Variants in ADGRD1 observed in about 807,000 individuals in gnomAD.
The protein encoded by ADGRD1 is G-protein coupled receptor 133.
Under a neutral mutation model 113.4 loss-of-function variants are expected in ADGRD1, and 77 were observed. That is an observed-to-expected ratio of 0.68 (90% CI 0.57 to 0.82). ADGRD1 has a LOEUF of 0.82. Among genes scored for constraint, ADGRD1 ranks in the 40% least tolerant of loss-of-function variants. The pLI is 0.00. For synonymous variants in ADGRD1, 474 were observed against 475.0 expected (o/e 1.00, Z 0.03); for missense variants, 1,036 against 1,139.1 (o/e 0.91, Z 1.30).
Position 131,141,075 on chromosome 12 carries a change from G to A in ADGRD1, c.*1812G>A, listed in dbSNP as rs555810596. The stretch of plus-strand genomic sequence containing the variant: ...TCCTCATCACGCCGGTGAGCACCTA[G>A]AAGTGAGAACACTGTATTCCTACAA... On this transcript the variant is annotated 3_prime_UTR_variant, in exon 25 of 25. Coordinates refer to ENST00000261654, the MANE Select transcript of ADGRD1 (RefSeq NM_198827.5). The A allele has an allele frequency of 5.5e-4, 84 of 152,386 alleles. No homozygotes were observed. The highest frequency in any genetic ancestry group is 1.8e-3 in the African/African-American group (75 of 41,592). The allele number at this position is 152,386 out of a possible 1,614,324, so 9.4% of individuals were successfully genotyped here. A position where few individuals can be genotyped will look rare whatever the true frequency, so the allele number is the denominator to read the frequency against.
At chr12:131,007,846 C>T (rs2136767211) in intron 12 of ADGRD1, among the ~76,000 whole-genome samples, 1 of 152,188 alleles carries the variant, frequency 6.6e-6, no homozygotes, top group South Asian at 2.1e-4. Context: ...CTCTCTTCAG[C>T]ACTTAGTGCA....
intron 18 of ADGRD1, among the ~76,000 whole-genome samples, chr12:131,117,323 C>T (rs1950490363): frequency 6.6e-6 from 1 of 152,118 alleles, no homozygotes; most frequent in Admixed American, 6.5e-5. Flanking sequence ...CTTGAACTGG[C>T]TAAGGCAAAA....
intron 22 of ADGRD1, 55 bp downstream of exon 22, chr12:131,136,218 C>T (rs556631573): frequency 1.2e-6 from 2 of 1,601,782 alleles, no homozygotes; most frequent in African/African-American, 1.3e-5. Context: ...CAGGAGCAGG[C>T]TTGCAGGGAG....
chr12:131,121,698 A>G (rs1950598849), intron 20 of ADGRD1, among the ~76,000 whole-genome samples: 1 of 152,174 alleles, frequency 6.6e-6, no homozygotes, highest in African/African-American at 2.4e-5. Context: ...GTGTTTAAAC[A>G]CGGATGGGGA....
chr12:130,979,991 C>T (rs895458140), intron 4 of ADGRD1, among the ~76,000 whole-genome samples: 4 of 152,216 alleles, frequency 2.6e-5, no homozygotes, highest in Non-Finnish European at 5.9e-5. Context: ...TCCAGCCAGG[C>T]CCTGCCCTGA....
Position 131,138,244 on chromosome 12 carries a change from C to A in ADGRD1, c.2529+15C>A, listed in dbSNP as rs750023430. 1.2e-6 allele frequency: 2 copies of A among 1,608,344 alleles called. No homozygotes were observed. The highest frequency in any genetic ancestry group is 1.7e-6 in the Non-Finnish European group (2 of 1,175,722). ...ACTCGGACCTCGTGAGTGCAGCCTCCATAAACCGAGGGTCCCAGCCCATCC... is the reference window on the plus strand; with the variant it reads ...ACTCGGACCTCGTGAGTGCAGCCTCAATAAACCGAGGGTCCCAGCCCATCC... On this transcript the variant is annotated intron_variant, in intron 24 of 24. Transcript: ENST00000261654.
chr12:131,083,494 C>A (rs1264970963), intron 14 of ADGRD1, among the ~76,000 whole-genome samples: 3 of 152,090 alleles, frequency 2.0e-5, no homozygotes, highest in Non-Finnish European at 1.5e-5. Flanking sequence ...GTAGTCCCAG[C>A]TACTTGGGAG....
In ADGRD1 at chr12:130,966,670, T is replaced by C. The variant is rs1166675963; in HGVS notation, c.187+124T>C. ...CATTGGGGGACGTGGGTGCTGAGAG[T>C]GACTGTGGGCCGGGGAATCCCAGGG... On this transcript the variant is annotated intron_variant, in intron 3 of 24. Coordinates refer to ENST00000261654, the MANE Select transcript of ADGRD1 (RefSeq NM_198827.5). This position sits in a 1 kb window ranked among gnomAD's most constrained non-coding sequence, Gnocchi z 4.6. The C allele has an allele frequency of 1.4e-6, 1 of 695,662 alleles. No individual in the cohort carries two copies. The highest frequency in any genetic ancestry group is 2.6e-5 in the East Asian group (1 of 38,354). 43.1% of individuals were successfully genotyped at this position (695,662 alleles called of 1,614,324 possible). A position where few individuals can be genotyped will look rare whatever the true frequency, so the allele number is the denominator to read the frequency against.
At chr12:131,108,414 T>C (rs1950280032) in intron 17 of ADGRD1, among the ~76,000 whole-genome samples, 1 of 152,144 alleles carries the variant, frequency 6.6e-6, no homozygotes, top group Non-Finnish European at 1.5e-5. Context: ...AGGTGAGTCA[T>C]GTGCCCATCC....
At chr12:131,107,027 G>A (rs770278549) in intron 17 of ADGRD1, among the ~76,000 whole-genome samples, 1 of 152,248 alleles carries the variant, frequency 6.6e-6, no homozygotes, top group Non-Finnish European at 1.5e-5. Flanking sequence ...GTCCCACTGT[G>A]TGCTGGCAGC....
intron 11 of ADGRD1, 56 bp downstream of exon 11, chr12:131,004,352 A>G: frequency 7.8e-7 from 1 of 1,274,408 alleles, no homozygotes; most frequent in Non-Finnish European, 1.1e-6. Context: ...GTCTTTCTGA[A>G]GAGTCCCCAA....
intron 5 of ADGRD1, among the ~76,000 whole-genome samples, chr12:130,982,697 G>A (rs1482268914): frequency 6.6e-6 from 1 of 152,194 alleles, no homozygotes; most frequent in Non-Finnish European, 1.5e-5. Context: ...AGGAGGGAGG[G>A]GCCCTGGATG....
chr12:131,020,519 A>G (rs1406018190), intron 13 of ADGRD1, among the ~76,000 whole-genome samples: 1 of 152,202 alleles, frequency 6.6e-6, no homozygotes, highest in Non-Finnish European at 1.5e-5. Context: ...TGAGGAGGGA[A>G]ACGGAGGCAC....
chr12:130,975,940 C>T (rs963430211), intron 4 of ADGRD1, among the ~76,000 whole-genome samples: 5 of 152,192 alleles, frequency 3.3e-5, no homozygotes, highest in Non-Finnish European at 5.9e-5. Flanking sequence ...TCAGCTTCAC[C>T]TTCCTCCCTC....
chr12:130,961,408 T>G (rs1411695848), intron 2 of ADGRD1, among the ~76,000 whole-genome samples: 1 of 152,118 alleles, frequency 6.6e-6, no homozygotes, highest in Non-Finnish European at 1.5e-5. Flanking sequence ...CTTTCCTCTC[T>G]CTCTCTCTCG....
intron 8 of ADGRD1, among the ~76,000 whole-genome samples, chr12:130,997,045 G>T (rs1321667942): frequency 1.5e-5 from 2 of 134,820 alleles, no homozygotes; most frequent in African/African-American, 2.8e-5. Context: ...CGGGGCGGCT[G>T]GCCAGGCAGA....
At chr12:131,038,486 C>T (rs1881777860) in intron 13 of ADGRD1, among the ~76,000 whole-genome samples, 1 of 152,248 alleles carries the variant, frequency 6.6e-6, no homozygotes, top group African/African-American at 2.4e-5. Flanking sequence ...GCCCATCCAG[C>T]TGAGAGCATC....
chr12:131,046,939 T>G (rs1566062880), intron 13 of ADGRD1, among the ~76,000 whole-genome samples: 1 of 138,908 alleles, frequency 7.2e-6, no homozygotes, highest in Non-Finnish European at 1.5e-5. Context: ...GAGTGCTCCC[T>G]CCCTGGTCAG....
chr12:131,099,731 A>T (rs964060894), intron 15 of ADGRD1, among the ~76,000 whole-genome samples: 7 of 152,246 alleles, frequency 4.6e-5, no homozygotes, highest in Non-Finnish European at 7.3e-5. Flanking sequence ...GGCTCACCTT[A>T]TAACTCAAGC....
Sources: allele counts gnomAD v4.1 joint callset (sites outside exome capture counted in the v4.1 genomes callset), GRCh38; gene constraint gnomAD v4.1.1; non-coding constraint Gnocchi (gnomAD v3.1); transcripts MANE v1.5; gene names NCBI Gene and HGNC (gene_info 2026-07-23, HGNC 2026-07-21).